The following LOC112694756 variants were observed in gnomAD, a reference collection of about 807,000 sequenced individuals.
the LOC112694756 span, among the ~76,000 whole-genome samples, chr16:30,056,273 T>C: frequency 6.6e-6 from 1 of 150,918 alleles, no homozygotes; most frequent in Admixed American, 6.6e-5. Context: ...CACGCCCAGC[T>C]AATTTTTGTA....
the LOC112694756 span, chr16:30,069,795 A>AC: frequency 6.2e-7 from 1 of 1,613,376 alleles, no homozygotes. Context: ...TGGGTCTCTG[A>AC]CCACAGCCCC....
the LOC112694756 span, chr16:30,058,842 G>A: frequency 5.1e-6 from 2 of 393,308 alleles, no homozygotes; most frequent in Non-Finnish European, 9.0e-6. Flanking sequence ...TTCATTCATT[G>A]ACTCACTCAC....
At chr16:30,066,736 T>C in the LOC112694756 span, 1 of 842,476 alleles carries the variant, frequency 1.2e-6, no homozygotes, top group Non-Finnish European at 1.8e-6. Flanking sequence ...AGAGCTGGGT[T>C]CTAATCTCAG....
At chr16:30,068,781 C>G in the LOC112694756 span, 2 of 1,614,116 alleles carry the variant, frequency 1.2e-6, no homozygotes, top group African/African-American at 2.7e-5. Flanking sequence ...CCACATGCCC[C>G]TCCCCACCGT....
the LOC112694756 span, chr16:30,066,961 T>G: frequency 1.3e-6 from 2 of 1,552,184 alleles, no homozygotes; most frequent in Non-Finnish European, 1.7e-6. Flanking sequence ...GGCTATGGCC[T>G]TTTCCTTTCC....
At chr16:30,068,206 A>G in the LOC112694756 span, 39 of 319,420 alleles carry the variant, frequency 1.2e-4, no homozygotes, top group South Asian at 9.8e-4. Flanking sequence ...CTGGGACTAC[A>G]GGCGCCCGCC....
chr16:30,069,800 AGCCCCTCTC>A, the LOC112694756 span: 1 of 1,613,798 alleles, frequency 6.2e-7, no homozygotes, highest in Non-Finnish European at 8.5e-7. Flanking sequence ...CTCTGACCAC[AGCCCCTCTC>A]GCCTCACCCC....
At chr16:30,069,831 G>C in the LOC112694756 span, 26 of 1,614,088 alleles carry the variant, frequency 1.6e-5, no homozygotes, top group South Asian at 2.4e-4. Context: ...GCTCTACAGG[G>C]ATCACCTTCC....
the LOC112694756 span, chr16:30,067,753 G>A: frequency 6.7e-7 from 1 of 1,482,968 alleles, no homozygotes; most frequent in South Asian, 1.1e-5. Flanking sequence ...CTGGATTGGT[G>A]GCCTAGAGAC....
the LOC112694756 span, chr16:30,069,480 T>C: frequency 5.6e-6 from 9 of 1,613,972 alleles, no homozygotes; most frequent in Admixed American, 3.3e-5. Context: ...CTACCCACCG[T>C]GCGCCTGCTC....
At chr16:30,069,603 GT>G in the LOC112694756 span, 1 of 1,614,130 alleles carries the variant, frequency 6.2e-7, no homozygotes, top group Non-Finnish European at 8.5e-7. Context: ...GCACTCAGAA[GT>G]TTTCTCATGA....
chr16:30,054,843 C>T, the LOC112694756 span: 1 of 399,462 alleles, frequency 2.5e-6, no homozygotes, highest in Non-Finnish European at 4.4e-6. Flanking sequence ...CCCTGCTGCT[C>T]CCCATCCCTG....
At chr16:30,065,063 G>T in the LOC112694756 span, among the ~76,000 whole-genome samples, 3 of 152,252 alleles carry the variant, frequency 2.0e-5, no homozygotes, top group Non-Finnish European at 4.4e-5. Context: ...AGGACTACCA[G>T]CCTGGCTGCG....
the LOC112694756 span, among the ~76,000 whole-genome samples, chr16:30,063,268 A>G: frequency 6.6e-6 from 1 of 152,068 alleles, no homozygotes; most frequent in African/African-American, 2.4e-5. Context: ...GGTGAATGAG[A>G]CCCTCTATTT....
chr16:30,057,067 C>T, the LOC112694756 span, among the ~76,000 whole-genome samples: 65 of 152,172 alleles, frequency 4.3e-4, no homozygotes, highest in African/African-American at 1.4e-3. Flanking sequence ...TGCGCCACCA[C>T]ACTAGGCTAA....
the LOC112694756 span, among the ~76,000 whole-genome samples, chr16:30,061,964 A>G: frequency 6.6e-6 from 1 of 151,782 alleles, no homozygotes; most frequent in East Asian, 2.0e-4. Context: ...GCACTTTGGG[A>G]GGCCGAGGTG....
At chr16:30,068,473 AAG>A in the LOC112694756 span, 153 of 730,158 alleles carry the variant, frequency 2.1e-4, no homozygotes, top group African/African-American at 2.2e-3. Context: ...AAGAAGAGGA[AAG>A]AGGGGCACGC....
the LOC112694756 span, chr16:30,067,706 G>C: frequency 6.2e-7 from 1 of 1,609,344 alleles, no homozygotes; most frequent in African/African-American, 1.3e-5. Flanking sequence ...TGGAAGTGGA[G>C]GAAGGAAATC....
the LOC112694756 span, chr16:30,069,761 T>G: frequency 6.2e-7 from 1 of 1,612,052 alleles, no homozygotes; most frequent in Non-Finnish European, 8.5e-7. Flanking sequence ...CCATGGCAAC[T>G]TCCACCAGCT....
Sources: gnomAD v4.1 joint callset for allele counts (sites outside exome capture counted in the v4.1 genomes callset) on GRCh38, gnomAD v4.1.1 for gene constraint, MANE v1.5 for transcripts.